The following PHF10 variants were observed in gnomAD, a reference collection of about 807,000 sequenced individuals.
PHF10 encodes the protein PHD finger protein 10.
In PHF10, 51 loss-of-function variants were observed where a neutral mutation model predicts 68.5. The observed-to-expected ratio is 0.74, with a 90% CI of 0.59 to 0.94. PHF10 has a LOEUF of 0.94. PHF10 is among the 40% of genes least tolerant of loss of function. PHF10 has a pLI of 0.00. For synonymous variants in PHF10, 204 were observed against 203.5 expected, an observed-to-expected ratio of 1.00 and a Z score of -0.02; for missense variants, 460 against 602.6, an observed-to-expected ratio of 0.76 and a Z score of 2.48.
At chr6:169,706,727 TACACACAC>T (rs55829134) in intron 9 of PHF10, among the ~76,000 whole-genome samples, 14,475 of 127,256 alleles carry the variant, frequency 0.11, 622 homozygotes, top group African/African-American at 0.14. Context: ...CATACATACA[TACACACAC>T]ACACACACAC....
At chr6:169,709,827 A>C (rs896131586) in intron 9 of PHF10, 4 of 152,624 alleles carry the variant, frequency 2.6e-5, no homozygotes, top group African/African-American at 9.6e-5. Flanking sequence ...TTAGTCTAAC[A>C]GTATATCCAC....
chr6:169,718,394 G>A lies in PHF10; in HGVS notation c.325+394C>T, dbSNP rs375287180. On this transcript the variant is annotated intron_variant, in intron 3 of 11. Transcript: ENST00000339209. ...AAATGAAACACAGCCAGGCGTGGTGGCTCACACCTGTAATCCTAGCAATTC... is the reference window on the plus strand; with the variant it reads ...AAATGAAACACAGCCAGGCGTGGTGACTCACACCTGTAATCCTAGCAATTC... Among the ~76,000 whole-genome samples, 46 of 152,306 alleles carry A rather than the reference G, an allele frequency of 3.0e-4. 1 individual carries two copies. In the South Asian group the frequency reaches 8.9e-3, roughly 29 times the overall value.
intron 8 of PHF10, among the ~76,000 whole-genome samples, chr6:169,711,651 A>T (rs1025915338): frequency 6.6e-6 from 1 of 152,242 alleles, no homozygotes; most frequent in Non-Finnish European, 1.5e-5. Flanking sequence ...CACCACTTTA[A>T]TACTTGAACA....
Position 169,715,753 on chromosome 6 carries a change from C to T in PHF10, c.648G>A (p.Arg216=). The change falls in exon 6 of 12, where the codon CGG becomes CGA. Residue 216 remains arginine, a synonymous_variant. Coordinates refer to ENST00000339209, the MANE Select transcript of PHF10 (RefSeq NM_018288.4). ...AAGCTCTTCTTTCTTCCATGCGTTC[C>T]CGGTTTAAGTTGCTATTAAATTCTG... ...KAAEFNSNLN[R]ERMEERRAYF... is the part of the protein sequence containing the mutation. The T allele has an allele frequency of 6.2e-7, 1 of 1,612,854 alleles. No individual in the cohort carries two copies.
chr6:169,724,244 C>T lies in PHF10; in HGVS notation c.-313G>A, dbSNP rs1446044372. ...GGCGGCGCTTCTCACGTCAGCCCAA[C>T]CCGCCCGGCCGCGGCCACCGCCTCA... On this transcript the variant is annotated 5_prime_UTR_variant, in exon 1 of 12. Coordinates refer to ENST00000339209, the MANE Select transcript of PHF10 (RefSeq NM_018288.4). Among the ~76,000 whole-genome samples, 15 of 146,512 alleles carry T rather than the reference C, an allele frequency of 1.0e-4. No individual in the cohort carries two copies. Among genetic ancestry groups the T allele is most frequent in the Non-Finnish European group, 2.0e-4 (13 of 65,804 alleles).
rs1789259188 is a variant in PHF10 at position 169,724,001 on chromosome 6, C to CGTCGCCTCCGCCTTGTCCCG, written c.-71_-70insCGGGACAAGGCGGAGGCGAC. 1 of 197,886 alleles carries CGTCGCCTCCGCCTTGTCCCG rather than the reference C, an allele frequency of 5.1e-6. No homozygotes were observed. The highest frequency in any genetic ancestry group is 8.5e-6 in the Non-Finnish European group (1 of 117,080). 12.3% of individuals were successfully genotyped at this position (197,886 alleles called of 1,614,324 possible). ...TTGTCCCGGCCGCCGCCGCCGCTGC[C>CGTCGCCTCCGCCTTGTCCCG]GCCGCCGCCGCCGCCGCCGCCGCGC... On this transcript the variant is annotated 5_prime_UTR_variant, in exon 1 of 12. Coordinates refer to ENST00000339209, the MANE Select transcript of PHF10 (RefSeq NM_018288.4).
intron 1 of PHF10, among the ~76,000 whole-genome samples, chr6:169,723,258 G>A (rs1789224659): frequency 6.6e-6 from 1 of 152,132 alleles, no homozygotes; most frequent in Admixed American, 6.5e-5. Context: ...ACGTTTTGAT[G>A]CGTGACACTA....
rs144315780 is a variant in PHF10 at position 169,719,274 on chromosome 6, A to G, written c.195-356T>C. The G allele has an allele frequency of 3.9e-3, 701 of 178,108 alleles. 8 individuals are homozygous for G. Among genetic ancestry groups the G allele is most frequent in the African/African-American group, 0.016 (668 of 41,838 alleles). 11.0% of individuals were successfully genotyped at this position (178,108 alleles called of 1,614,324 possible). On this transcript the variant is annotated intron_variant, in intron 2 of 11. Transcript: ENST00000339209. ...CTTGGGCTTAAAATGCATAGCCAGT[A>G]TTTCATCCACCCAAAGAATAATCAA...
Position 169,723,860 on chromosome 6 carries a change from T to C in PHF10, c.72A>G (p.Gly24=). The change falls in exon 1 of 12, where the codon GGA becomes GGG. Residue 24 remains glycine (G), a synonymous_variant. Coordinates refer to ENST00000339209, the MANE Select transcript of PHF10 (RefSeq NM_018288.4). ...GCTTCCTCACCTTCGGGGACTGCGC[T>C]CCGGGGGTGGCTGGGTCGCTGTCGC... ...RPCDSDPATP[G]AQSPKDDNED... is the part of the protein sequence containing the mutation. 1 of 1,092,098 alleles carries C rather than the reference T, an allele frequency of 9.2e-7. No individual in the cohort carries two copies. Among genetic ancestry groups the C allele is most frequent in the Non-Finnish European group, 1.1e-6 (1 of 891,228 alleles). 67.7% of individuals were successfully genotyped at this position (1,092,098 alleles called of 1,614,324 possible). A position where few individuals can be genotyped will look rare whatever the true frequency, so the allele number is the denominator to read the frequency against.
In PHF10 at chr6:169,721,105, T is replaced by A; in HGVS notation, c.94A>T (p.Asn32Tyr). The change falls in exon 2 of 12, where the codon AAT becomes TAT. Residue 32 changes from asparagine (N) to tyrosine (Y), a missense_variant. Physicochemically the swap from Asn to Tyr is moderately radical, Grantham distance 143 (BLOSUM62 -2). Coordinates refer to ENST00000339209, the MANE Select transcript of PHF10 (RefSeq NM_018288.4). ...GTCCCATCATTTGAATTATCTTCATTATCATCCTATACATTTAAAAGATTC... is the reference window on the plus strand; with the variant it reads ...GTCCCATCATTTGAATTATCTTCATAATCATCCTATACATTTAAAAGATTC... ...TPGAQSPKDDNEDNSNDGTQP... is the reference protein window; with the variant it reads ...TPGAQSPKDDYEDNSNDGTQP... 5.4e-6 allele frequency: 8 copies of A among 1,472,002 alleles called. No homozygotes were observed. The highest frequency in any genetic ancestry group is 7.4e-6 in the Non-Finnish European group (8 of 1,075,908). The allele number at this position is 1,472,002 out of a possible 1,614,324, so 91.2% of individuals were successfully genotyped here.
chr6:169,716,861 C>T (rs1313424896), intron 4 of PHF10, among the ~76,000 whole-genome samples: 2 of 152,078 alleles, frequency 1.3e-5, no homozygotes, highest in Admixed American at 1.3e-4. Context: ...TGGGACCACA[C>T]GCACACACCA....
intron 1 of PHF10, among the ~76,000 whole-genome samples, chr6:169,721,566 C>G (rs191715818): frequency 7.8e-4 from 119 of 152,310 alleles, no homozygotes; most frequent in Admixed American, 1.5e-3. Context: ...ACTATTCACT[C>G]TTCCTCTTAC....
intron 11 of PHF10, chr6:169,704,907 C>G: frequency 2.5e-6 from 1 of 402,854 alleles, no homozygotes; most frequent in Non-Finnish European, 4.6e-6. Flanking sequence ...TAGAACTATA[C>G]TTCCAAAACT....
chr6:169,712,564 G>C (rs747344259), intron 7 of PHF10, 25 bp from the exon 8 acceptor site: 1 of 1,588,186 alleles, frequency 6.3e-7, no homozygotes, highest in Non-Finnish European at 8.5e-7. Context: ...GTTTATTTTT[G>C]GTTTCCCTTT....
intron 1 of PHF10, among the ~76,000 whole-genome samples, chr6:169,723,547 T>C (rs1472655260): frequency 1.3e-5 from 2 of 151,978 alleles, no homozygotes; most frequent in African/African-American, 4.8e-5. Flanking sequence ...CCGGGCGCGT[T>C]CCGTCCCACG....
Position 169,705,208 on chromosome 6 carries a change from C to T in PHF10, c.1336G>A (p.Glu446Lys), listed in dbSNP as rs766603554. The T allele has an allele frequency of 1.5e-5, 25 of 1,613,880 alleles. No homozygotes were observed. Among genetic ancestry groups the T allele is most frequent in the Non-Finnish European group, 2.1e-5 (25 of 1,179,816 alleles). ...CIICGQPHHE[E>K]EMMFCDMCDR... Reference sequence around the variant, plus strand: ...CACATATCACAGAACATCATTTCTTCTTCATGGTGGGGTTGTCCACATATA... The same window carrying T: ...CACATATCACAGAACATCATTTCTTTTTCATGGTGGGGTTGTCCACATATA... Residue 446 changes from glutamate to lysine, a missense_variant, in exon 11 of 12, where the codon GAA becomes AAA. Around this residue, in one of 3 missense-constraint regions of PHF10, gnomAD observed 111 missense variants for 109.7 expected, o/e 1.01. Transcript: ENST00000339209.
chr6:169,720,959 A>C (rs1789161969), intron 2 of PHF10, 46 bp downstream of exon 2: 1 of 1,002,838 alleles, frequency 1.0e-6, no homozygotes. Flanking sequence ...GTTAAGGCAA[A>C]GAGGAACATC....
At position 169,724,029 on chromosome 6, in the gene PHF10, G is replaced by A. The variant is rs1367445936; in HGVS notation, c.-98C>T. ...CGCCGCCGCCGCCGCCGCCGCGCGG[G>A]CCCCCCGCCGCCCCGGCCCCGCCCC... On this transcript the variant is annotated 5_prime_UTR_variant, in exon 1 of 12. Coordinates refer to ENST00000339209, the MANE Select transcript of PHF10 (RefSeq NM_018288.4). 6 of 150,198 alleles carry A rather than the reference G, an allele frequency of 4.0e-5. No individual in the cohort carries two copies. The South Asian group carries it at 1.3e-3, about 33-fold the overall frequency. 9.3% of individuals were successfully genotyped at this position (150,198 alleles called of 1,614,324 possible). A position where few individuals can be genotyped will look rare whatever the true frequency, so the allele number is the denominator to read the frequency against.
At chr6:169,707,303 AG>A (rs1203357480) in intron 9 of PHF10, 1 of 152,174 alleles carries the variant, frequency 6.6e-6, no homozygotes, top group Non-Finnish European at 1.5e-5. Flanking sequence ...TCTAAACATA[AG>A]GTTCTCATTG....
Sources: gnomAD v4.1 joint callset for allele counts (sites outside exome capture counted in the v4.1 genomes callset) on GRCh38, gnomAD v4.1.1 for gene constraint, gnomAD v4.1.1 regional missense constraint, MANE v1.5 for transcripts, NCBI Gene and HGNC (gene_info 2026-07-23, HGNC 2026-07-21) for gene names.